MEGF10: variants seen among roughly 807,000 people sequenced by gnomAD.
MEGF10 encodes multiple EGF like domains 10, also known as multiple epidermal growth factor-like domains protein 10.
Under a neutral mutation model 147.5 loss-of-function variants are expected in MEGF10, and 86 were observed. The observed-to-expected ratio is 0.58, with a 90% CI of 0.49 to 0.70. MEGF10 has a LOEUF of 0.70. Among genes scored for constraint, MEGF10 ranks in the 30% least tolerant of loss-of-function variants. MEGF10 has a pLI of 0.00. For synonymous variants in MEGF10, 478 were observed against 525.5 expected, an observed-to-expected ratio of 0.91 and a Z score of 1.24; for missense variants, 1,329 against 1,487.3, an observed-to-expected ratio of 0.89 and a Z score of 1.75.
At position 127,410,532 on chromosome 5, in the gene MEGF10, T is replaced by G. The variant is rs1255875628; in HGVS notation, c.1061T>G (p.Leu354Arg). The G allele has an allele frequency of 6.2e-7, 1 of 1,613,690 alleles. No homozygotes were observed. Among genetic ancestry groups the G allele is most frequent in the Admixed American group, 1.7e-5 (1 of 60,030 alleles). ...GCTGGCGAGCGCTGCGAAGCACGCC[T>G]GTGTCCTGAGGGGCTCTACGGCATC... ...GFAGERCEARLCPEGLYGIKC... is the reference protein window; with the variant it reads ...GFAGERCEARRCPEGLYGIKC... Residue 354 changes from leucine to arginine, a missense_variant, in exon 9 of 25, where the codon CTG becomes CGG. Coordinates refer to ENST00000503335, the MANE Select transcript of MEGF10 (RefSeq NM_001256545.2).
rs199556822 is a variant in MEGF10 at position 127,374,520 on chromosome 5, AC to A, written c.412+4522del. On this transcript the variant is annotated intron_variant, in intron 5 of 24. Transcript: ENST00000503335. ...GTTTGCATTCCTATACATAAAAAAA[AC>A]CCCTGTATTTCCACCTAATATACAG... Among the ~76,000 whole-genome samples the A allele has an allele frequency of 4.9e-3, 727 of 149,632 alleles. 8 individuals are homozygous for A. The highest frequency in any genetic ancestry group is 0.018 in the African/African-American group (705 of 40,092).
intron 1 of MEGF10, among the ~76,000 whole-genome samples, chr5:127,293,987 A>G (rs1435367630): frequency 6.6e-6 from 1 of 152,162 alleles, no homozygotes; most frequent in Non-Finnish European, 1.5e-5. Context: ...TCTTGTTACT[A>G]TCTCAAGAAT....
Position 127,457,150 on chromosome 5 carries a change from A to G in MEGF10, c.3255A>G (p.Gln1085=), listed in dbSNP as rs1378950898. The G allele has an allele frequency of 6.2e-7, 1 of 1,613,532 alleles. No homozygotes were observed. The highest frequency in any genetic ancestry group is 8.5e-7 in the Non-Finnish European group (1 of 1,179,822). ...CAGAACCTACAGTGAGTGTTGTCCA[A>G]GGAGTATTCAGCAATAATGGGCGTC... The part of the protein sequence containing the change: ...YEVEPTVSVV[Q]GVFSNNGRLS... Residue 1085 remains glutamine (Q), a synonymous_variant, in exon 25 of 25, where the codon CAA becomes CAG. Coordinates refer to ENST00000503335, the MANE Select transcript of MEGF10 (RefSeq NM_001256545.2).
the MEGF10 span, among the ~76,000 whole-genome samples, chr5:127,252,469 C>A: frequency 5.9e-5 from 9 of 151,660 alleles, no homozygotes; most frequent in African/African-American, 2.2e-4. Context: ...AGTTTCATAT[C>A]ATTTATAATA....
chr5:127,359,918 G>T (rs1037367717), intron 4 of MEGF10, among the ~76,000 whole-genome samples: 1 of 152,040 alleles, frequency 6.6e-6, no homozygotes, highest in Non-Finnish European at 1.5e-5. Context: ...TGAACCACTT[G>T]GTAGTTGATA....
intron 5 of MEGF10, among the ~76,000 whole-genome samples, chr5:127,379,895 G>A (rs868377178): frequency 6.6e-6 from 1 of 152,030 alleles, no homozygotes; most frequent in Non-Finnish European, 1.5e-5. Flanking sequence ...GAGGCACCAC[G>A]CCTGGCCACA....
the MEGF10 span, among the ~76,000 whole-genome samples, chr5:127,255,656 T>C: frequency 6.6e-6 from 1 of 152,130 alleles, no homozygotes; most frequent in Non-Finnish European, 1.5e-5. Context: ...AGAGTAAGAA[T>C]GAAAATAAGA....
chr5:127,421,774 T>C (rs929268160), intron 12 of MEGF10, among the ~76,000 whole-genome samples: 5 of 152,024 alleles, frequency 3.3e-5, no homozygotes, highest in Non-Finnish European at 7.4e-5. Context: ...ACCATGTATC[T>C]CGTTGGCAAC....
chr5:127,391,710 T>G (rs191062383), intron 5 of MEGF10, among the ~76,000 whole-genome samples: 2 of 152,276 alleles, frequency 1.3e-5, no homozygotes, highest in East Asian at 3.9e-4. Context: ...GAAATCAGAA[T>G]GCATCTAATC....
intron 1 of MEGF10, among the ~76,000 whole-genome samples, chr5:127,294,285 G>A (rs1223203098): frequency 1.3e-5 from 2 of 152,216 alleles, no homozygotes; most frequent in African/African-American, 4.8e-5. Flanking sequence ...ACAGATTGGT[G>A]AGTTCATCAT....
chr5:127,421,733 G>A (rs76824969), intron 12 of MEGF10, among the ~76,000 whole-genome samples: 2,838 of 152,114 alleles, frequency 0.019, 55 homozygotes, highest in South Asian at 0.079. Flanking sequence ...TCAGAGAAAA[G>A]TAACAAAATA....
intron 10 of MEGF10, 122 bp from the exon 11 acceptor site, chr5:127,418,998 A>G (rs1349070410): frequency 8.2e-7 from 1 of 1,217,198 alleles, no homozygotes; most frequent in African/African-American, 1.5e-5. Flanking sequence ...TTTTAAAAAT[A>G]CAGTGTGTTA....
At chr5:127,394,311 G>A (rs1561617123) in intron 5 of MEGF10, among the ~76,000 whole-genome samples, 1 of 152,184 alleles carries the variant, frequency 6.6e-6, no homozygotes, top group Non-Finnish European at 1.5e-5. Flanking sequence ...TATTGGAGTT[G>A]TAGTATCTAG....
At chr5:127,421,095 G>T (rs1267555093) in intron 12 of MEGF10, among the ~76,000 whole-genome samples, 1 of 152,180 alleles carries the variant, frequency 6.6e-6, no homozygotes, top group African/African-American at 2.4e-5. Flanking sequence ...TGTCAGCTTT[G>T]CTGCCTCTCA....
At chr5:127,265,159 C>A in the MEGF10 span, among the ~76,000 whole-genome samples, 2 of 152,248 alleles carry the variant, frequency 1.3e-5, no homozygotes, top group Admixed American at 6.5e-5. Context: ...TGAGTGAGAA[C>A]ATGCAGTGTT....
intron 5 of MEGF10, among the ~76,000 whole-genome samples, chr5:127,389,103 T>C (rs1353752896): frequency 6.6e-6 from 1 of 152,188 alleles, no homozygotes; most frequent in African/African-American, 2.4e-5. Flanking sequence ...CCTTGACCTT[T>C]TGTATGCAGA....
chr5:127,241,365 G>C, the MEGF10 span, among the ~76,000 whole-genome samples: 2 of 152,220 alleles, frequency 1.3e-5, no homozygotes, highest in South Asian at 2.1e-4. Flanking sequence ...GTCATTCTCA[G>C]GTAAGCTCTC....
chr5:127,324,310 T>A (rs1488712307), intron 1 of MEGF10, among the ~76,000 whole-genome samples: 1 of 152,162 alleles, frequency 6.6e-6, no homozygotes, highest in Non-Finnish European at 1.5e-5. Context: ...AAAATAAATA[T>A]GATTTTATTC....
chr5:127,310,498 T>A (rs1760242716), intron 1 of MEGF10, among the ~76,000 whole-genome samples: 1 of 152,132 alleles, frequency 6.6e-6, no homozygotes, highest in South Asian at 2.1e-4. Context: ...GCTTTTAGAT[T>A]TTTTTTAAGG....
Sources: gnomAD v4.1 joint callset for allele counts (sites outside exome capture counted in the v4.1 genomes callset) on GRCh38, gnomAD v4.1.1 for gene constraint, MANE v1.5 for transcripts, NCBI Gene and HGNC (gene_info 2026-07-23, HGNC 2026-07-21) for gene names.